TMEM266: variants seen among roughly 807,000 people sequenced by gnomAD.
TMEM266 encodes transmembrane protein 266, also known as Hv1 related protein 1.
TMEM266 carries 33 observed loss-of-function variants against 50.5 expected under a neutral mutation model. The ratio of observed to expected loss-of-function variants is 0.65; its 90% CI spans 0.50 to 0.87. TMEM266 has a LOEUF of 0.87. Ranked by LOEUF, TMEM266 falls within the 40% of genes least tolerant of loss-of-function variation. The pLI, the probability that TMEM266 is intolerant of heterozygous loss-of-function variation, is 0.00. For synonymous variants in TMEM266, 310 were observed against 292.3 expected (o/e 1.06, Z -0.62); for missense variants, 655 against 695.1 (o/e 0.94, Z 0.65).
chr15:76,175,646 G>A lies in TMEM266; in HGVS notation c.740G>A (p.Arg247Lys). The A allele has an allele frequency of 6.2e-7, 1 of 1,614,190 alleles. No homozygotes were observed. Among genetic ancestry groups the A allele is most frequent in the Middle Eastern group, 1.6e-4 (1 of 6,062 alleles). ...GTCATCCAAGACGAGCAGCTGGAGA[G>A]GCTGACGCAGATCTGTCAGGAGCAA... Residue 247 changes from arginine (R) to lysine (K), a missense_variant, in exon 8 of 11, where the codon AGG becomes AAG. By Grantham distance (26) the Arg-to-Lys change is conservative (BLOSUM62 2). This residue lies in a region of TMEM266 where 455 missense variants were observed against 401.8 expected (regional missense o/e 1.13). Coordinates refer to ENST00000388942, the MANE Select transcript of TMEM266 (RefSeq NM_152335.3).
intron 8 of TMEM266, 45 bp from the exon 9 acceptor site, chr15:76,191,923 C>G (rs1388487721): frequency 6.6e-7 from 1 of 1,517,698 alleles, no homozygotes; most frequent in Non-Finnish European, 8.8e-7. Context: ...GAGGCCCCCG[C>G]CGGCCCCTCG....
intron 1 of TMEM266, among the ~76,000 whole-genome samples, chr15:76,070,848 G>A (rs768302929): frequency 2.1e-4 from 32 of 152,102 alleles, no homozygotes; most frequent in Non-Finnish European, 4.3e-4. Flanking sequence ...CAAATACAGA[G>A]GGTCCTCCAA....
At chr15:76,112,138 G>A (rs1324536039) in intron 1 of TMEM266, 1 of 152,248 alleles carries the variant, frequency 6.6e-6, no homozygotes, top group Non-Finnish European at 1.5e-5. Context: ...TCAGGAGGAG[G>A]GAGGGAGGAA....
At chr15:76,173,514 G>A (rs887124882) in intron 7 of TMEM266, among the ~76,000 whole-genome samples, 6 of 152,142 alleles carry the variant, frequency 3.9e-5, no homozygotes, top group African/African-American at 1.4e-4. Flanking sequence ...TGGAGCACAG[G>A]GCCCTCAACC....
intron 9 of TMEM266, among the ~76,000 whole-genome samples, chr15:76,197,300 A>C (rs554955747): frequency 6.6e-6 from 1 of 152,346 alleles, no homozygotes; most frequent in East Asian, 1.9e-4. Flanking sequence ...TAGCATTTGA[A>C]GCAACCGGAG....
intron 1 of TMEM266, among the ~76,000 whole-genome samples, chr15:76,121,798 T>TA (rs1485058323): frequency 3.9e-5 from 6 of 152,214 alleles, no homozygotes; most frequent in Admixed American, 3.9e-4. Flanking sequence ...AATCATTAGT[T>TA]ACAGAAGTTT....
intron 3 of TMEM266, among the ~76,000 whole-genome samples, chr15:76,148,085 T>TA (rs2037782836): frequency 6.6e-6 from 1 of 152,070 alleles, no homozygotes; most frequent in African/African-American, 2.4e-5. Flanking sequence ...CAGCGGCGGG[T>TA]GACCGCTAGA....
chr15:76,170,951 C>A, intron 6 of TMEM266, 42 bp from the exon 7 acceptor site: 1 of 1,582,994 alleles, frequency 6.3e-7, no homozygotes, highest in South Asian at 1.1e-5. Context: ...GTCCCGGACA[C>A]ACGGCAGGGC....
chr15:76,112,158 G>A (rs1164976254), intron 1 of TMEM266: 1 of 152,218 alleles, frequency 6.6e-6, no homozygotes, highest in Non-Finnish European at 1.5e-5. Context: ...ATGAATAGGT[G>A]GAGCACAGGG....
At chr15:76,200,069 C>T (rs191751519) in intron 9 of TMEM266, among the ~76,000 whole-genome samples, 41 of 152,260 alleles carry the variant, frequency 2.7e-4, no homozygotes, top group African/African-American at 7.5e-4. Context: ...TGGAAGGCCC[C>T]GACTGTGCTC....
At chr15:76,099,024 G>A (rs764104841) in intron 1 of TMEM266, among the ~76,000 whole-genome samples, 6 of 152,188 alleles carry the variant, frequency 3.9e-5, no homozygotes, top group Non-Finnish European at 8.8e-5. Flanking sequence ...GCTCCATGGT[G>A]GTGGGACCCA....
chr15:76,193,792 C>G (rs950364690), intron 9 of TMEM266, among the ~76,000 whole-genome samples: 2 of 152,210 alleles, frequency 1.3e-5, no homozygotes, highest in African/African-American at 2.4e-5. Flanking sequence ...GGGTTTCACG[C>G]ACAGGCAGTG....
chr15:76,079,311 G>A lies in TMEM266; in HGVS notation c.-97+19295G>A, dbSNP rs191207786. ...GAGGTTGCTGTGAGCTGAAATCGTGGCATTGCACTCCAGCCTGGGCAACAG... is the reference window on the plus strand; with the variant it reads ...GAGGTTGCTGTGAGCTGAAATCGTGACATTGCACTCCAGCCTGGGCAACAG... On this transcript the variant is annotated intron_variant, in intron 1 of 10. Coordinates refer to ENST00000388942, the MANE Select transcript of TMEM266 (RefSeq NM_152335.3). Among the ~76,000 whole-genome samples, 51 of 149,822 alleles carry A rather than the reference G, an allele frequency of 3.4e-4. No individual in the cohort carries two copies. In the East Asian group the frequency reaches 9.5e-3, roughly 28 times the overall value.
chr15:76,100,235 A>G (rs2036982743), intron 1 of TMEM266, among the ~76,000 whole-genome samples: 2 of 152,222 alleles, frequency 1.3e-5, no homozygotes, highest in Non-Finnish European at 2.9e-5. Flanking sequence ...GTCGGACTAG[A>G]GATGGGAGAC....
chr15:76,199,435 C>T lies in TMEM266; in HGVS notation c.959-2767C>T, dbSNP rs985068286. Among the ~76,000 whole-genome samples the T allele has an allele frequency of 2.6e-5, 4 of 152,192 alleles. No individual in the cohort carries two copies. In the East Asian group the frequency reaches 7.7e-4, roughly 29 times the overall value. ...CAGCAGGCTGACCCTCTGGGCTGAG[C>T]CCAGCAAGCTGATGTTTGCCCAGGG... On this transcript the variant is annotated intron_variant, in intron 9 of 10. Transcript: ENST00000388942.
intron 3 of TMEM266, among the ~76,000 whole-genome samples, chr15:76,147,502 A>G (rs562384020): frequency 2.6e-5 from 4 of 152,178 alleles, no homozygotes; most frequent in Admixed American, 6.5e-5. Flanking sequence ...AGATTTGTCT[A>G]TAATAAAACA....
At chr15:76,125,103 C>T (rs2935981) in intron 1 of TMEM266, among the ~76,000 whole-genome samples, 7,376 of 152,062 alleles carry the variant, frequency 0.049, 570 homozygotes, top group African/African-American at 0.17. Flanking sequence ...ATAGTCTCTT[C>T]AATAGAAAAA....
In TMEM266 at chr15:76,160,442, C is replaced by T. The variant is rs943754603; in HGVS notation, c.456+274C>T. ...TCTCCAGGTGAGGGGTGGGCGATGA[C>T]TGGTGAAGGTGAGACTGAATGTGGC... On this transcript the variant is annotated intron_variant, in intron 5 of 10. Transcript: ENST00000388942. This position sits in a 1 kb window ranked among gnomAD's most constrained non-coding sequence, Gnocchi z 5.7. 2.6e-5 allele frequency among the ~76,000 whole-genome samples: 4 copies of T among 152,156 alleles called. No individual in the cohort carries two copies. The highest frequency in any genetic ancestry group is 4.4e-5 in the Non-Finnish European group (3 of 68,024).
intron 1 of TMEM266, among the ~76,000 whole-genome samples, chr15:76,132,742 C>A (rs960122257): frequency 3.2e-4 from 48 of 151,036 alleles, no homozygotes; most frequent in African/African-American, 1.1e-3. Flanking sequence ...TTGCAGTGAG[C>A]CAAAATTGCG....
Sources: gnomAD v4.1 joint callset for allele counts (sites outside exome capture counted in the v4.1 genomes callset) on GRCh38, gnomAD v4.1.1 for gene constraint, gnomAD v4.1.1 regional missense constraint, Gnocchi (gnomAD v3.1) non-coding constraint, MANE v1.5 for transcripts, NCBI Gene and HGNC (gene_info 2026-07-23, HGNC 2026-07-21) for gene names.